Variants in CNTN5 observed in about 807,000 individuals in gnomAD.
The protein encoded by CNTN5 is contactin-5.
A neutral mutation model predicts 129.1 loss-of-function variants in CNTN5; 77 were observed. That is an observed-to-expected ratio of 0.60 (90% CI 0.50 to 0.72). The LOEUF (loss-of-function observed/expected upper bound fraction) is 0.72. Ranked by LOEUF, CNTN5 falls within the 30% of genes least tolerant of loss-of-function variation. The pLI, the probability that CNTN5 is intolerant of heterozygous loss-of-function variation, is 0.00. For synonymous variants in CNTN5, 509 were observed against 465.6 expected (o/e 1.09, Z -1.20); for missense variants, 1,478 against 1,328.8 (o/e 1.11, Z -1.75).
At chr11:100,202,765 A>G (rs1481889964) in intron 15 of CNTN5, among the ~76,000 whole-genome samples, 3 of 151,928 alleles carry the variant, frequency 2.0e-5, no homozygotes, top group Non-Finnish European at 2.9e-5. Context: ...CAGCCAAGTT[A>G]TATATAAATG....
At chr11:99,582,796 G>T in intron 3 of CNTN5, among the ~76,000 whole-genome samples, 1 of 152,096 alleles carries the variant, frequency 6.6e-6, no homozygotes, top group East Asian at 1.9e-4. Context: ...AGAGTAGTTT[G>T]ATCTTCTGAA....
chr11:99,902,527 GTTTCTGGAACTGT>G, intron 6 of CNTN5, among the ~76,000 whole-genome samples: 1 of 152,198 alleles, frequency 6.6e-6, no homozygotes, highest in East Asian at 1.9e-4. Context: ...GTCCTACACA[GTTTCTGGAACTGT>G]TTTCTTACAC....
At chr11:99,666,917 A>AT (rs1565406106) in intron 3 of CNTN5, among the ~76,000 whole-genome samples, 1 of 152,094 alleles carries the variant, frequency 6.6e-6, no homozygotes, top group Non-Finnish European at 1.5e-5. Context: ...GTTCAGTTTT[A>AT]TTTTTTGAAA....
At chr11:99,463,720 A>G (rs1388964131) in intron 2 of CNTN5, among the ~76,000 whole-genome samples, 1 of 152,110 alleles carries the variant, frequency 6.6e-6, no homozygotes, top group Admixed American at 6.5e-5. Flanking sequence ...TGTTTGACTA[A>G]AAGTACCTAT....
rs567942478 is a variant in CNTN5 at position 99,819,276 on chromosome 11, T to C, written c.56-268T>C. Among the ~76,000 whole-genome samples, 17 of 133,178 alleles carry C rather than the reference T, an allele frequency of 1.3e-4. No individual in the cohort carries two copies. The South Asian group carries it at 3.7e-3, about 29-fold the overall frequency. 87.4% of individuals were successfully genotyped at this position (133,178 alleles called of 152,430 possible). ...CTTCCTTCCCTTCTGCCATCATTTTTCCTTTTCCCTCTCCTCTCCTCCCCT... is the reference window on the plus strand; with the variant it reads ...CTTCCTTCCCTTCTGCCATCATTTTCCCTTTTCCCTCTCCTCTCCTCCCCT... On this transcript the variant is annotated intron_variant, in intron 3 of 24. Coordinates refer to ENST00000524871, the MANE Select transcript of CNTN5 (RefSeq NM_014361.4).
At chr11:99,445,810 G>A (rs966361909) in intron 2 of CNTN5, among the ~76,000 whole-genome samples, 9 of 151,946 alleles carry the variant, frequency 5.9e-5, no homozygotes, top group South Asian at 2.1e-4. Flanking sequence ...AGGGCCGGGC[G>A]CGGTGACTCA....
At chr11:99,066,576 G>A (rs1309922793) in intron 1 of CNTN5, among the ~76,000 whole-genome samples, 3 of 152,074 alleles carry the variant, frequency 2.0e-5, no homozygotes, top group African/African-American at 7.2e-5. Context: ...AAAGTCTTCA[G>A]TAGATAAAAT....
chr11:99,752,431 G>T (rs1257402553), intron 3 of CNTN5, among the ~76,000 whole-genome samples: 1 of 152,094 alleles, frequency 6.6e-6, no homozygotes, highest in East Asian at 1.9e-4. Flanking sequence ...AAATTGGTCA[G>T]TAGATTAACA....
chr11:99,432,799 T>C (rs1173079654), intron 2 of CNTN5, among the ~76,000 whole-genome samples: 1 of 151,800 alleles, frequency 6.6e-6, no homozygotes, highest in Non-Finnish European at 1.5e-5. Context: ...CATGATGCTA[T>C]ATATATGGAG....
At chr11:99,080,980 G>GGTTT in intron 1 of CNTN5, among the ~76,000 whole-genome samples, 1 of 112,436 alleles carries the variant, frequency 8.9e-6, no homozygotes. Flanking sequence ...TGAGAAATCA[G>GGTTT]TTTTTTTTTT....
intron 1 of CNTN5, among the ~76,000 whole-genome samples, chr11:99,048,009 AT>A (rs1436622084): frequency 6.6e-6 from 1 of 151,964 alleles, no homozygotes; most frequent in Non-Finnish European, 1.5e-5. Flanking sequence ...AAAAAGCAGT[AT>A]ATTTTATTTT....
chr11:99,060,364 G>A (rs1235929653), intron 1 of CNTN5, among the ~76,000 whole-genome samples: 2 of 152,036 alleles, frequency 1.3e-5, no homozygotes, highest in South Asian at 4.1e-4. Context: ...CATGCAAAAT[G>A]TATATTATCT....
At position 99,566,384 on chromosome 11, in the gene CNTN5, A is replaced by T. The variant is rs74729395; in HGVS notation, c.55+10115A>T. Among the ~76,000 whole-genome samples the T allele has an allele frequency of 5.4e-4, 82 of 152,320 alleles. No homozygotes were observed. In the East Asian group the frequency reaches 0.016, roughly 29 times the overall value. On this transcript the variant is annotated intron_variant, in intron 3 of 24. Coordinates refer to ENST00000524871, the MANE Select transcript of CNTN5 (RefSeq NM_014361.4). ...CCAATTAAGCCTCTCTTCTTTACGA[A>T]TTATCTAGCTTCAGATATTTCTTTA...
intron 2 of CNTN5, among the ~76,000 whole-genome samples, chr11:99,369,189 A>T (rs199861933): frequency 7.6e-6 from 1 of 130,898 alleles, no homozygotes. Context: ...TAATATATAT[A>T]ATATAACATA....
In CNTN5 at chr11:99,230,081, A is replaced by G. The variant is rs141322536; in HGVS notation, c.-209-95265A>G. 1.2e-3 allele frequency among the ~76,000 whole-genome samples: 188 copies of G among 152,228 alleles called. 1 individual carries two copies. Among genetic ancestry groups the G allele is most frequent in the African/African-American group, 4.2e-3 (176 of 41,562 alleles). The stretch of plus-strand genomic sequence containing the variant: ...TGTGTGATTGATTTCTGTCTGGAAT[A>G]AAACTTACATACAATGATTCTTCTA... On this transcript the variant is annotated intron_variant, in intron 1 of 24. Coordinates refer to ENST00000524871, the MANE Select transcript of CNTN5 (RefSeq NM_014361.4).
At chr11:100,199,550 C>T (rs546704013) in intron 15 of CNTN5, among the ~76,000 whole-genome samples, 3 of 151,918 alleles carry the variant, frequency 2.0e-5, no homozygotes, top group South Asian at 2.1e-4. Flanking sequence ...GGGACCCTCA[C>T]GAAGAAAGAT....
chr11:99,983,438 G>A (rs1200798352), intron 8 of CNTN5, among the ~76,000 whole-genome samples: 1 of 152,190 alleles, frequency 6.6e-6, no homozygotes, highest in African/African-American at 2.4e-5. Flanking sequence ...GGGCTCGAAT[G>A]CAATACTAGG....
chr11:100,045,357 A>C (rs1403892847), intron 9 of CNTN5, among the ~76,000 whole-genome samples: 1 of 152,156 alleles, frequency 6.6e-6, no homozygotes, highest in Admixed American at 6.6e-5. Context: ...GTAAATAATT[A>C]GGGGCCAACT....
chr11:99,277,598 CT>C (rs767633431), intron 1 of CNTN5, among the ~76,000 whole-genome samples: 122 of 151,696 alleles, frequency 8.0e-4, no homozygotes, highest in Admixed American at 1.5e-3. Context: ...AGACGTGTTT[CT>C]TTTTTTATCC....
Sources: gnomAD v4.1 joint callset for allele counts (sites outside exome capture counted in the v4.1 genomes callset) on GRCh38, gnomAD v4.1.1 for gene constraint, MANE v1.5 for transcripts, NCBI Gene and HGNC (gene_info 2026-07-23, HGNC 2026-07-21) for gene names.